The following PRDM16 variants were observed in gnomAD, a reference collection of about 807,000 sequenced individuals.
The protein encoded by PRDM16 is histone-lysine N-methyltransferase PRDM16.
In PRDM16, 23 loss-of-function variants were observed where a neutral mutation model predicts 110.6. The observed-to-expected ratio is 0.21, with a 90% CI of 0.15 to 0.29. The LOEUF is 0.29. PRDM16 is among the 10% of genes least tolerant of loss of function. The probability of loss-of-function intolerance (pLI) is 1.00; values close to 1 mark genes in which losing one functional copy is unlikely to be tolerated. For missense variants in PRDM16, 1,615 were observed against 1,794.3 expected (o/e 0.90, Z 1.81); for synonymous variants, 799 against 781.8 (o/e 1.02, Z -0.37).
chr1:3,214,653 A>G (rs1190866453), intron 2 of PRDM16, among the ~76,000 whole-genome samples: 1 of 152,214 alleles, frequency 6.6e-6, no homozygotes, highest in African/African-American at 2.4e-5. Context: ...GCCGAGATAC[A>G]TTACCACAAT....
intron 1 of PRDM16, among the ~76,000 whole-genome samples, chr1:3,152,723 G>A (rs1476984886): frequency 6.6e-6 from 1 of 152,208 alleles, no homozygotes; most frequent in Non-Finnish European, 1.5e-5. Context: ...TGCGTGGCTG[G>A]GCCAGGTCCC....
rs117097455 is a variant in PRDM16 at position 3,247,150 on chromosome 1, G to A, written c.438+3013G>A. On this transcript the variant is annotated intron_variant, in intron 3 of 16. Transcript: ENST00000270722. ...AAACCTCATAGGGGAACATGACGGGGGTGGCTGTGTGACCTGTGGGTGGGC... is the reference window on the plus strand; with the variant it reads ...AAACCTCATAGGGGAACATGACGGGAGTGGCTGTGTGACCTGTGGGTGGGC... 9.2e-3 allele frequency among the ~76,000 whole-genome samples: 1,407 copies of A among 152,224 alleles called. 55 individuals are homozygous for A. The highest frequency in any genetic ancestry group is 0.036 in the East Asian group (188 of 5,174).
chr1:3,437,157 G>A lies in PRDM16; in HGVS notation c.*3346G>A, dbSNP rs1284288682. 8.6e-6 allele frequency: 2 copies of A among 231,504 alleles called. No individual in the cohort carries two copies. The highest frequency in any genetic ancestry group is 1.2e-4 in the East Asian group (2 of 16,414). 14.3% of individuals were successfully genotyped at this position (231,504 alleles called of 1,614,324 possible). On this transcript the variant is annotated 3_prime_UTR_variant, in exon 17 of 17. Coordinates refer to ENST00000270722, the MANE Select transcript of PRDM16 (RefSeq NM_022114.4). ...CCTGGGGTGTGGAGCAGTGGCTGGG[G>A]TGGGCGTGGTGTGGCCTGAGAGACT...
intron 14 of PRDM16, among the ~76,000 whole-genome samples, chr1:3,427,104 G>A (rs936352652): frequency 3.3e-5 from 5 of 152,240 alleles, no homozygotes; most frequent in African/African-American, 7.2e-5. Context: ...ATGGGCGCAC[G>A]TGCGTCTAGA....
chr1:3,218,211 C>T (rs1483777425), intron 2 of PRDM16, among the ~76,000 whole-genome samples: 1 of 152,254 alleles, frequency 6.6e-6, no homozygotes, highest in African/African-American at 2.4e-5. Context: ...CTTTCTTCCT[C>T]TCTGGTTCGT....
rs1447263024 is a variant in PRDM16, at chr1:3,069,658, T to C, written c.37+362T>C. Among the ~76,000 whole-genome samples, 2 of 150,996 alleles carry C rather than the reference T, an allele frequency of 1.3e-5. No homozygotes were observed. Among genetic ancestry groups the C allele is most frequent in the African/African-American group, 4.9e-5 (2 of 41,076 alleles). Reference sequence around the variant, plus strand: ...GTGGAGGGGAGCGAAAAGTGAAAGTTAGCGAAAAGTTGACGAAAGGGGAGA... The same window carrying C: ...GTGGAGGGGAGCGAAAAGTGAAAGTCAGCGAAAAGTTGACGAAAGGGGAGA... On this transcript the variant is annotated intron_variant, in intron 1 of 16. Coordinates refer to ENST00000270722, the MANE Select transcript of PRDM16 (RefSeq NM_022114.4). This position sits in a 1 kb window ranked among gnomAD's most constrained non-coding sequence, Gnocchi z 6.1.
intron 1 of PRDM16, among the ~76,000 whole-genome samples, chr1:3,140,316 T>C (rs1228005171): frequency 6.6e-6 from 1 of 152,198 alleles, no homozygotes; most frequent in Non-Finnish European, 1.5e-5. Context: ...ATTTAATTAC[T>C]CTGCACTGTA....
intron 8 of PRDM16, among the ~76,000 whole-genome samples, chr1:3,407,854 G>A (rs893794652): frequency 2.0e-5 from 3 of 152,232 alleles, no homozygotes; most frequent in Admixed American, 2.0e-4. Context: ...CGACTCTTGC[G>A]CTTCTTGTCC....
rs539751846 is a variant in PRDM16, at chr1:3,157,788, T to C, written c.38-28337T>C. Among the ~76,000 whole-genome samples, 7 of 152,304 alleles carry C rather than the reference T, an allele frequency of 4.6e-5. No individual in the cohort carries two copies. The highest frequency in any genetic ancestry group is 1.7e-4 in the African/African-American group (7 of 41,568). On this transcript the variant is annotated intron_variant, in intron 1 of 16. Coordinates refer to ENST00000270722, the MANE Select transcript of PRDM16 (RefSeq NM_022114.4). This position sits in a 1 kb window ranked among gnomAD's most constrained non-coding sequence, Gnocchi z 4.8. Reference sequence around the variant, plus strand: ...CACCCAGATGGACAGAGCTCGTCGGTTGGCTGAGGCTGGGGATGTGTCCAG... The same window carrying C: ...CACCCAGATGGACAGAGCTCGTCGGCTGGCTGAGGCTGGGGATGTGTCCAG...
At chr1:3,356,736 G>GCAGAT (rs1365805302) in intron 3 of PRDM16, among the ~76,000 whole-genome samples, 1 of 152,180 alleles carries the variant, frequency 6.6e-6, no homozygotes, top group Non-Finnish European at 1.5e-5. Flanking sequence ...AAGTCACTGG[G>GCAGAT]CAGATCGAGC....
chr1:3,186,324 G>A lies in PRDM16; in HGVS notation c.237G>A (p.Pro79=), dbSNP rs143467979. The A allele has an allele frequency of 3.7e-5, 60 of 1,612,262 alleles. No homozygotes were observed. The African/African-American group carries it at 3.9e-4, about 10-fold the overall frequency. The change falls in exon 2 of 17, where the codon CCG becomes CCA. Residue 79 remains proline (P), a synonymous_variant. Transcript: ENST00000270722. ...CTGTCTACATTCCTGAAGACATTCC[G>A]ATCCCAGCAGACTTCGAGCTCCGAG... ...EAPVYIPEDI[P]IPADFELRES...
At chr1:3,130,804 T>C (rs1643318623) in intron 1 of PRDM16, among the ~76,000 whole-genome samples, 1 of 151,362 alleles carries the variant, frequency 6.6e-6, no homozygotes, top group Non-Finnish European at 1.5e-5. Flanking sequence ...GCTGTTTTTT[T>C]TTTTTAATTT....
intron 1 of PRDM16, among the ~76,000 whole-genome samples, chr1:3,130,697 C>T (rs1484130799): frequency 1.3e-5 from 2 of 151,730 alleles, no homozygotes; most frequent in Middle Eastern, 3.4e-3. Flanking sequence ...TTCAAGAGCC[C>T]ATTACAGACG....
intron 2 of PRDM16, among the ~76,000 whole-genome samples, chr1:3,233,284 C>T (rs556826673): frequency 3.3e-4 from 51 of 152,286 alleles, no homozygotes; most frequent in Non-Finnish European, 6.2e-4. Flanking sequence ...TTTTCAGAAG[C>T]AGGGTGGAAA....
chr1:3,295,915 C>A (rs557347070), intron 3 of PRDM16, among the ~76,000 whole-genome samples: 1 of 152,098 alleles, frequency 6.6e-6, no homozygotes, highest in Non-Finnish European at 1.5e-5. Context: ...CCTCTGCCCC[C>A]ACAAGAAGCC....
chr1:3,167,109 G>A (rs1643966301), intron 1 of PRDM16, among the ~76,000 whole-genome samples: 1 of 152,162 alleles, frequency 6.6e-6, no homozygotes, highest in Non-Finnish European at 1.5e-5. Flanking sequence ...CTCAGCTGGT[G>A]CTGGTCTACA....
chr1:3,181,152 A>AGTCTTACG (rs1644161261), intron 1 of PRDM16, among the ~76,000 whole-genome samples: 1 of 140,068 alleles, frequency 7.1e-6, no homozygotes, highest in South Asian at 2.5e-4. Context: ...TTACACACGC[A>AGTCTTACG]GTCTTACACG....
chr1:3,307,024 T>C (rs1374338114), intron 3 of PRDM16: 2 of 152,288 alleles, frequency 1.3e-5, no homozygotes, highest in East Asian at 1.9e-4. Flanking sequence ...CTCGTTCTTA[T>C]GGCTGAGTAA....
intron 1 of PRDM16, among the ~76,000 whole-genome samples, chr1:3,110,064 G>A (rs558091203): frequency 1.4e-5 from 2 of 147,618 alleles, no homozygotes; most frequent in East Asian, 4.2e-4. Flanking sequence ...GTGCTCGGGG[G>A]CTCCCCTCTG....
Sources: gnomAD v4.1 joint callset for allele counts (sites outside exome capture counted in the v4.1 genomes callset) on GRCh38, gnomAD v4.1.1 for gene constraint, Gnocchi (gnomAD v3.1) non-coding constraint, MANE v1.5 for transcripts, NCBI Gene and HGNC (gene_info 2026-07-23, HGNC 2026-07-21) for gene names.